The following ADGRL3 variants were observed in gnomAD, a reference collection of about 807,000 sequenced individuals.
The protein encoded by ADGRL3 is adhesion G protein-coupled receptor L3, also known as calcium-independent alpha-latrotoxin receptor 3.
A neutral mutation model predicts 153.5 loss-of-function variants in ADGRL3; 62 were observed. That is an observed-to-expected ratio of 0.40 (90% confidence interval 0.33 to 0.50). The LOEUF is 0.50. Ranked by LOEUF, ADGRL3 falls within the 20% of genes least tolerant of loss-of-function variation. ADGRL3 has a pLI of 0.47. For synonymous variants in ADGRL3, 710 were observed against 672.5 expected (o/e 1.06, Z -0.86); for missense variants, 1,641 against 1,859.4 (o/e 0.88, Z 2.16).
intron 25 of ADGRL3, among the ~76,000 whole-genome samples, chr4:62,064,934 C>T (rs1742202969): frequency 6.6e-6 from 1 of 151,984 alleles, no homozygotes; most frequent in East Asian, 1.9e-4. Flanking sequence ...TAATTCAGCT[C>T]ACTTTGAATT....
At position 62,078,040 on chromosome 4, in the gene ADGRL3, T is replaced by C. The variant is rs539840391; in HGVS notation, c.*7132T>C. On this transcript the variant is annotated 3_prime_UTR_variant, in exon 27 of 27. Coordinates refer to ENST00000683033, the MANE Select transcript of ADGRL3 (RefSeq NM_001387552.1). ...CAAGCATTAAATCTAATTCAAAATA[T>C]GTCTTTCTAAAAAACAATAGTTTAT... 6.6e-6 allele frequency: 1 copy of C among 152,158 alleles called. No individual in the cohort carries two copies. The highest frequency in any genetic ancestry group is 2.1e-4 in the South Asian group (1 of 4,834). The allele number at this position is 152,158 out of a possible 1,614,324, so 9.4% of individuals were successfully genotyped here.
intron 1 of ADGRL3, among the ~76,000 whole-genome samples, chr4:61,290,411 TTCTA>T (rs969285762): frequency 1.8e-4 from 27 of 152,114 alleles, no homozygotes; most frequent in African/African-American, 6.0e-4. Flanking sequence ...GTGGCTTATA[TTCTA>T]TCTTTCTCAC....
At chr4:61,433,888 C>T (rs548973011) in intron 2 of ADGRL3, among the ~76,000 whole-genome samples, 27 of 152,220 alleles carry the variant, frequency 1.8e-4, no homozygotes, top group Admixed American at 1.2e-3. Flanking sequence ...AAATAATATT[C>T]CCTTCATGTC....
chr4:61,579,333 A>G (rs1381948566), intron 4 of ADGRL3, among the ~76,000 whole-genome samples: 1 of 152,088 alleles, frequency 6.6e-6, no homozygotes, highest in Non-Finnish European at 1.5e-5. Flanking sequence ...ACTCTTAAGA[A>G]CATGTTAAAC....
At chr4:62,027,584 T>A (rs1281421419) in intron 21 of ADGRL3, among the ~76,000 whole-genome samples, 3 of 152,046 alleles carry the variant, frequency 2.0e-5, no homozygotes, top group Admixed American at 6.6e-5. Flanking sequence ...TGCATCATAT[T>A]ACTCCTGAAA....
chr4:61,636,680 C>A (rs1221435755), intron 5 of ADGRL3, among the ~76,000 whole-genome samples: 1 of 151,214 alleles, frequency 6.6e-6, no homozygotes, highest in Non-Finnish European at 1.5e-5. Context: ...TTCAGAGAAT[C>A]GTATGTAAAT....
At chr4:62,001,594 AT>A (rs1176477699) in intron 21 of ADGRL3, among the ~76,000 whole-genome samples, 1 of 152,322 alleles carries the variant, frequency 6.6e-6, no homozygotes, top group East Asian at 1.9e-4. Flanking sequence ...GCAGGGCATA[AT>A]TGCTAAAGAA....
intron 8 of ADGRL3, among the ~76,000 whole-genome samples, chr4:61,795,433 A>G (rs1159520704): frequency 6.6e-6 from 1 of 152,232 alleles, no homozygotes; most frequent in Admixed American, 6.5e-5. Flanking sequence ...ATTTAAAAAG[A>G]ACACCTCAAG....
Position 61,223,776 on chromosome 4 carries a change from G to A in ADGRL3, c.-240+22011G>A, listed in dbSNP as rs749108428. Among the ~76,000 whole-genome samples the A allele has an allele frequency of 1.3e-5, 2 of 152,072 alleles. 1 individual carries two copies. The highest frequency in any genetic ancestry group is 2.9e-5 in the Non-Finnish European group (2 of 68,018). On this transcript the variant is annotated intron_variant, in intron 1 of 26. Transcript: ENST00000683033. ...ATGCCTTGTGAAACACAATAGAAAC[G>A]ACAATATAGAAGCAAGCCATCAGCT... is the stretch of plus-strand genomic sequence containing the variant.
intron 13 of ADGRL3, among the ~76,000 whole-genome samples, chr4:61,916,269 T>C (rs544787934): frequency 3.3e-4 from 50 of 152,344 alleles, no homozygotes; most frequent in African/African-American, 1.2e-3. Flanking sequence ...CATATTTTAA[T>C]TTTAATTGTA....
At chr4:61,236,522 C>G (rs1024541179) in intron 1 of ADGRL3, among the ~76,000 whole-genome samples, 1 of 151,944 alleles carries the variant, frequency 6.6e-6, no homozygotes, top group African/African-American at 2.4e-5. Flanking sequence ...GAATATTATT[C>G]TTTTATTTCT....
chr4:61,394,797 G>C (rs2096851658), intron 2 of ADGRL3, among the ~76,000 whole-genome samples: 1 of 152,028 alleles, frequency 6.6e-6, no homozygotes, highest in Non-Finnish European at 1.5e-5. Context: ...TTCCTGGGGA[G>C]TATATTCTCA....
intron 19 of ADGRL3, among the ~76,000 whole-genome samples, chr4:61,984,125 G>T (rs913877058): frequency 4.6e-5 from 7 of 152,268 alleles, no homozygotes; most frequent in Non-Finnish European, 8.8e-5. Flanking sequence ...AAACTGTTAA[G>T]ACATATGTGT....
intron 2 of ADGRL3, among the ~76,000 whole-genome samples, chr4:61,422,682 C>G (rs760396963): frequency 6.6e-6 from 1 of 151,966 alleles, no homozygotes; most frequent in Non-Finnish European, 1.5e-5. Flanking sequence ...GTTAGTAACA[C>G]CCTGCTTGGG....
chr4:61,442,220 T>C (rs1283014525), intron 2 of ADGRL3, among the ~76,000 whole-genome samples: 2 of 152,198 alleles, frequency 1.3e-5, no homozygotes, highest in Non-Finnish European at 2.9e-5. Flanking sequence ...AAGAGTTATA[T>C]CTAAGTTGAA....
intron 1 of ADGRL3, among the ~76,000 whole-genome samples, chr4:61,361,409 A>G (rs1474854934): frequency 6.6e-6 from 1 of 152,176 alleles, no homozygotes; most frequent in Non-Finnish European, 1.5e-5. Context: ...TTTTGAGTTG[A>G]GCCTTAAAGT....
At chr4:61,595,154 C>T (rs1171578994) in intron 5 of ADGRL3, among the ~76,000 whole-genome samples, 7 of 152,160 alleles carry the variant, frequency 4.6e-5, no homozygotes, top group Non-Finnish European at 1.0e-4. Context: ...TGATTGCTAC[C>T]CTATCCCACT....
intron 1 of ADGRL3, among the ~76,000 whole-genome samples, chr4:61,368,964 C>A (rs2151656123): frequency 6.6e-6 from 1 of 152,202 alleles, no homozygotes; most frequent in South Asian, 2.1e-4. Context: ...AAGTTGGATT[C>A]CTAGGTATTT....
intron 17 of ADGRL3, among the ~76,000 whole-genome samples, chr4:61,966,465 T>C (rs1338567394): frequency 6.6e-6 from 1 of 152,178 alleles, no homozygotes; most frequent in Non-Finnish European, 1.5e-5. Context: ...AAAATATACA[T>C]ATCTGGGTAA....
Sources: gnomAD v4.1 joint callset for allele counts (sites outside exome capture counted in the v4.1 genomes callset) on GRCh38, gnomAD v4.1.1 for gene constraint, MANE v1.5 for transcripts, NCBI Gene and HGNC (gene_info 2026-07-23, HGNC 2026-07-21) for gene names.